The following SLC16A9 variants were observed in gnomAD, a reference collection of about 807,000 sequenced individuals.
SLC16A9 encodes monocarboxylate transporter 9.
Under a neutral mutation model 44.3 loss-of-function variants are expected in SLC16A9, and 26 were observed. That is an observed-to-expected ratio of 0.59 (90% confidence interval 0.43 to 0.81). SLC16A9 has a LOEUF of 0.81. Ranked by LOEUF, SLC16A9 falls within the 40% of genes least tolerant of loss-of-function variation. The pLI is 0.00. For synonymous variants in SLC16A9, 230 were observed against 225.1 expected, an observed-to-expected ratio of 1.02 and a Z score of -0.19; for missense variants, 559 against 595.8, an observed-to-expected ratio of 0.94 and a Z score of 0.64.
intron 1 of SLC16A9, among the ~76,000 whole-genome samples, chr10:59,698,568 C>CA (rs1454294543): frequency 1.3e-5 from 2 of 152,216 alleles, no homozygotes; most frequent in East Asian, 3.9e-4. Context: ...TAGCCAAGCA[C>CA]AGGTTCAACC....
chr10:59,679,557 T>G (rs1386776211), intron 2 of SLC16A9, among the ~76,000 whole-genome samples: 1 of 152,216 alleles, frequency 6.6e-6, no homozygotes, highest in Non-Finnish European at 1.5e-5. Context: ...TTTCTGCTCT[T>G]AAAGCCTTTC....
At chr10:59,697,777 AT>A (rs1368519246) in intron 1 of SLC16A9, among the ~76,000 whole-genome samples, 2 of 150,050 alleles carry the variant, frequency 1.3e-5, no homozygotes, top group Non-Finnish European at 3.0e-5. Context: ...AATTAAAAAA[AT>A]AAAAAAATAA....
At chr10:59,658,589 G>A (rs565258944) in intron 4 of SLC16A9, among the ~76,000 whole-genome samples, 3 of 152,256 alleles carry the variant, frequency 2.0e-5, no homozygotes, top group Non-Finnish European at 4.4e-5. Flanking sequence ...TATAGTACAG[G>A]TGAGACCCAC....
At chr10:59,666,253 C>T (rs1442016616) in intron 3 of SLC16A9, among the ~76,000 whole-genome samples, 1 of 149,692 alleles carries the variant, frequency 6.7e-6, no homozygotes, top group Admixed American at 6.7e-5. Flanking sequence ...AAGCTGAGAT[C>T]GCGCCATTGC....
intron 1 of SLC16A9, among the ~76,000 whole-genome samples, chr10:59,697,894 C>CA (rs1840433819): frequency 6.7e-6 from 1 of 149,628 alleles, no homozygotes; most frequent in African/African-American, 2.4e-5. Context: ...CTTTGAGCCT[C>CA]AGTTTTCTCA....
intron 1 of SLC16A9, among the ~76,000 whole-genome samples, chr10:59,685,401 C>T (rs1349474438): frequency 3.3e-5 from 5 of 152,204 alleles, no homozygotes; most frequent in African/African-American, 4.8e-5. Flanking sequence ...GTAACCAATG[C>T]ATCTTGTTTC....
rs755182525 is a variant in SLC16A9 at position 59,653,693 on chromosome 10, G to A, written c.1333C>T (p.Leu445=). Residue 445 remains leucine (L), a synonymous_variant, in exon 5 of 6, where the codon CTA becomes TTA. Transcript: ENST00000395348. ...ATCTTACCAACGATGGGTGGTCCTA[G>A]GCTATTTCCAAGTCCAGCAAAGAAC... The part of the protein sequence containing the change: ...LMFFAGLGNS[L]GPPIVGWFYD... 2.5e-6 allele frequency: 4 copies of A among 1,613,316 alleles called. No individual in the cohort carries two copies. The Admixed American group carries it at 5.0e-5, about 20-fold the overall frequency.
At chr10:59,694,815 T>TAC (rs1417285282) in intron 1 of SLC16A9, among the ~76,000 whole-genome samples, 1 of 50,280 alleles carries the variant, frequency 2.0e-5, no homozygotes, top group African/African-American at 5.5e-5. Flanking sequence ...TATATATATA[T>TAC]ATACACACAC....
Position 59,652,846 on chromosome 10 carries a change from A to G in SLC16A9, c.1456T>C (p.Trp486Arg). ...GGGAGTTGCTTGTTGCATGTATCCC[A>G]AGAGGGCAAGGCTGCCAGCAGCAGA... ...FILLLAALPS[W>R]DTCNKQLPKP... is the part of the protein sequence containing the mutation. The change falls in exon 6 of 6, where the codon TGG (tryptophan) becomes CGG (arginine). Residue 486 changes from tryptophan to arginine, a missense_variant. Trp to Arg is a moderately radical substitution (Grantham distance 101, BLOSUM62 -3). Transcript: ENST00000395348. 1 of 1,614,096 alleles carries G rather than the reference A, an allele frequency of 6.2e-7. No homozygotes were observed. The highest frequency in any genetic ancestry group is 8.5e-7 in the Non-Finnish European group (1 of 1,179,964).
At chr10:59,698,779 C>G (rs952851786) in intron 1 of SLC16A9, among the ~76,000 whole-genome samples, 1 of 151,670 alleles carries the variant, frequency 6.6e-6, no homozygotes, top group Non-Finnish European at 1.5e-5. Flanking sequence ...CTCTTGTCAC[C>G]CAGGCTGGAG....
chr10:59,706,215 A>G (rs1009934159), intron 1 of SLC16A9, among the ~76,000 whole-genome samples: 44 of 151,952 alleles, frequency 2.9e-4, no homozygotes, highest in African/African-American at 1.1e-3. Flanking sequence ...TTGTAAATCT[A>G]TTTTTCTCAC....
intron 4 of SLC16A9, among the ~76,000 whole-genome samples, chr10:59,663,311 A>G (rs958118264): frequency 6.6e-6 from 1 of 152,178 alleles, no homozygotes; most frequent in Non-Finnish European, 1.5e-5. Context: ...TGGTGAGCCA[A>G]GATTGTGCTG....
chr10:59,697,960 A>G (rs1489335324), intron 1 of SLC16A9, among the ~76,000 whole-genome samples: 2 of 99,588 alleles, frequency 2.0e-5, no homozygotes, highest in African/African-American at 3.0e-5. Context: ...CTGGGCACAC[A>G]GTAAAAAAAA....
intron 4 of SLC16A9, among the ~76,000 whole-genome samples, chr10:59,660,700 A>G (rs534831137): frequency 7.9e-5 from 12 of 152,310 alleles, no homozygotes; most frequent in African/African-American, 2.9e-4. Flanking sequence ...AACAAAACAA[A>G]AAGAGAAAAT....
intron 1 of SLC16A9, among the ~76,000 whole-genome samples, chr10:59,691,009 C>T (rs972740839): frequency 2.0e-5 from 3 of 152,124 alleles, no homozygotes; most frequent in African/African-American, 7.2e-5. Context: ...CGCTTGAACC[C>T]GGGAGGCAGA....
intron 1 of SLC16A9, among the ~76,000 whole-genome samples, chr10:59,698,107 G>A (rs991478868): frequency 5.9e-5 from 9 of 152,126 alleles, no homozygotes; most frequent in Admixed American, 5.9e-4. Flanking sequence ...TGTCTAAGGA[G>A]TAGTTACTGG....
chr10:59,693,883 C>T (rs996927041), intron 1 of SLC16A9, among the ~76,000 whole-genome samples: 1 of 151,294 alleles, frequency 6.6e-6, no homozygotes, highest in African/African-American at 2.4e-5. Context: ...TCCCAAAGTG[C>T]TGGGATTACA....
At chr10:59,662,150 T>C (rs1183168179) in intron 4 of SLC16A9, among the ~76,000 whole-genome samples, 2 of 151,916 alleles carry the variant, frequency 1.3e-5, no homozygotes, top group East Asian at 3.9e-4. Context: ...CTAATTAAAC[T>C]AAAGAGCTTC....
chr10:59,697,130 A>G (rs1378607033), intron 1 of SLC16A9, among the ~76,000 whole-genome samples: 3 of 90,974 alleles, frequency 3.3e-5, no homozygotes, highest in Non-Finnish European at 4.7e-5. Flanking sequence ...CCCCCCGCCC[A>G]GCCAGCCACC....
Sources: gnomAD v4.1 joint callset for allele counts (sites outside exome capture counted in the v4.1 genomes callset) on GRCh38, gnomAD v4.1.1 for gene constraint, MANE v1.5 for transcripts, NCBI Gene and HGNC (gene_info 2026-07-23, HGNC 2026-07-21) for gene names.